Variants in AGBL4 observed in about 807,000 individuals in gnomAD.
AGBL4 encodes the protein AGBL carboxypeptidase 4, also known as cytosolic carboxypeptidase 6.
AGBL4 carries 58 observed loss-of-function variants against 66.4 expected under a neutral mutation model. The ratio of observed to expected loss-of-function variants is 0.87; its 90% CI spans 0.71 to 1.09. AGBL4 has a LOEUF of 1.09. AGBL4 is among the 50% of genes least tolerant of loss of function. AGBL4 has a pLI of 0.00. For missense variants in AGBL4, 579 were observed against 631.0 expected, an observed-to-expected ratio of 0.92 and a Z score of 0.88; for synonymous variants, 234 against 222.9, an observed-to-expected ratio of 1.05 and a Z score of -0.44.
intron 6 of AGBL4, among the ~76,000 whole-genome samples, chr1:48,828,032 A>C (rs1027033353): frequency 6.6e-6 from 1 of 150,966 alleles, no homozygotes; most frequent in African/African-American, 2.4e-5. Context: ...ACACACACAC[A>C]CACACACACA....
intron 3 of AGBL4, among the ~76,000 whole-genome samples, chr1:49,529,198 T>C (rs1166741046): frequency 2.6e-5 from 4 of 152,032 alleles, no homozygotes; most frequent in Admixed American, 6.6e-5. Flanking sequence ...AATAAGACCG[T>C]GGTGATAAAT....
intron 1 of AGBL4, among the ~76,000 whole-genome samples, chr1:49,953,886 A>G (rs996864342): frequency 6.6e-6 from 1 of 151,624 alleles, no homozygotes; most frequent in Non-Finnish European, 1.5e-5. Context: ...GAAAATATGT[A>G]TTTATTTATT....
intron 2 of AGBL4, among the ~76,000 whole-genome samples, chr1:49,737,252 T>C (rs1023802880): frequency 1.3e-5 from 2 of 152,166 alleles, no homozygotes; most frequent in African/African-American, 4.8e-5. Context: ...GTTGCTGCAC[T>C]ATTCAAATAG....
intron 3 of AGBL4, among the ~76,000 whole-genome samples, chr1:49,288,352 T>G (rs1360216178): frequency 6.7e-6 from 1 of 149,948 alleles, no homozygotes; most frequent in East Asian, 2.0e-4. Flanking sequence ...TACCCTAAAA[T>G]TTAAAGTATA....
At chr1:49,613,598 A>AGG (rs1476785926) in intron 3 of AGBL4, among the ~76,000 whole-genome samples, 8 of 152,202 alleles carry the variant, frequency 5.3e-5, no homozygotes, top group African/African-American at 1.9e-4. Flanking sequence ...CTGCATGTGC[A>AGG]GGGGATCTAG....
chr1:49,861,416 T>C (rs1037320522), intron 1 of AGBL4, among the ~76,000 whole-genome samples: 3 of 151,928 alleles, frequency 2.0e-5, no homozygotes, highest in Admixed American at 1.3e-4. Flanking sequence ...GAGGACTTTG[T>C]CGTACATCTT....
intron 2 of AGBL4, among the ~76,000 whole-genome samples, chr1:49,752,453 T>C (rs1243547475): frequency 2.0e-5 from 3 of 151,702 alleles, no homozygotes; most frequent in African/African-American, 2.4e-5. Context: ...TTTCTTATGA[T>C]TTCTTTTGCA....
chr1:49,718,884 T>C (rs1402630694), intron 2 of AGBL4, among the ~76,000 whole-genome samples: 1 of 152,156 alleles, frequency 6.6e-6, no homozygotes, highest in Non-Finnish European at 1.5e-5. Context: ...TTTCTTTCTC[T>C]ATTCTAAAAG....
intron 4 of AGBL4, among the ~76,000 whole-genome samples, chr1:49,059,894 C>G (rs1557605520): frequency 6.6e-6 from 1 of 152,140 alleles, no homozygotes; most frequent in Non-Finnish European, 1.5e-5. Flanking sequence ...GTCTGTACCC[C>G]CAGTGTATCT....
intron 5 of AGBL4, among the ~76,000 whole-genome samples, chr1:48,940,233 T>G (rs975472581): frequency 1.3e-5 from 2 of 151,960 alleles, no homozygotes; most frequent in African/African-American, 4.8e-5. Context: ...CAAAAATTAG[T>G]GGGGCGTGGT....
intron 1 of AGBL4, among the ~76,000 whole-genome samples, chr1:49,899,145 TACAAAGGA>T (rs1334083586): frequency 6.6e-6 from 1 of 152,148 alleles, no homozygotes; most frequent in Non-Finnish European, 1.5e-5. Context: ...TTGTTTGTAA[TACAAAGGA>T]TAAATGCTTG....
chr1:49,712,004 G>A (rs1647707008), intron 2 of AGBL4, among the ~76,000 whole-genome samples: 1 of 151,914 alleles, frequency 6.6e-6, no homozygotes, highest in African/African-American at 2.4e-5. Context: ...TGGGATGATA[G>A]TACTTTTTTC....
chr1:49,146,099 G>A (rs1646212834), intron 4 of AGBL4, among the ~76,000 whole-genome samples: 1 of 152,168 alleles, frequency 6.6e-6, no homozygotes. Context: ...AAGATGGGAA[G>A]AGTAGTGGGG....
At position 49,762,122 on chromosome 1, in the gene AGBL4, T is replaced by G. The variant is rs796264065; in HGVS notation, c.158-64685A>C. On this transcript the variant is annotated intron_variant, in intron 2 of 13. Coordinates refer to ENST00000371839, the MANE Select transcript of AGBL4 (RefSeq NM_032785.4). ...AGTGGGATTCCTGGGTCATATGGCA[T>G]TTCTATTTTTAATTTTTTGAGAAAT... is the stretch of plus-strand genomic sequence containing the variant. Among the ~76,000 whole-genome samples, 47 of 152,274 alleles carry G rather than the reference T, an allele frequency of 3.1e-4. 1 individual carries two copies. Among genetic ancestry groups the G allele is most frequent in the African/African-American group, 1.1e-3 (45 of 41,552 alleles).
At chr1:49,847,348 A>G (rs1646175516) in intron 2 of AGBL4, among the ~76,000 whole-genome samples, 1 of 152,214 alleles carries the variant, frequency 6.6e-6, no homozygotes, top group African/African-American at 2.4e-5. Flanking sequence ...ACATTGGTCT[A>G]GGCAAATAAT....
At chr1:49,667,417 A>G (rs1646392435) in intron 3 of AGBL4, among the ~76,000 whole-genome samples, 1 of 152,132 alleles carries the variant, frequency 6.6e-6, no homozygotes, top group East Asian at 1.9e-4. Context: ...GTGATTGCAC[A>G]CCTGCACTCT....
rs1652455142 is a variant in AGBL4 at position 49,255,941 on chromosome 1, A to C, written c.283-10077T>G. 2.6e-5 allele frequency among the ~76,000 whole-genome samples: 4 copies of C among 152,206 alleles called. No homozygotes were observed. In the South Asian group the frequency reaches 8.3e-4, roughly 31 times the overall value. On this transcript the variant is annotated intron_variant, in intron 3 of 13. Coordinates refer to ENST00000371839, the MANE Select transcript of AGBL4 (RefSeq NM_032785.4). ...AACCAAATATTGCATGTTCTCACTT[A>C]TAAGTGGGAGCTAAATGATAACACA... is the stretch of plus-strand genomic sequence containing the variant.
intron 6 of AGBL4, among the ~76,000 whole-genome samples, chr1:48,832,336 G>C (rs1238371587): frequency 6.6e-6 from 1 of 152,166 alleles, no homozygotes; most frequent in Non-Finnish European, 1.5e-5. Flanking sequence ...GCGAGTTGAT[G>C]GACCTGCCGT....
At chr1:49,095,685 A>C (rs1291292996) in intron 4 of AGBL4, among the ~76,000 whole-genome samples, 1 of 151,910 alleles carries the variant, frequency 6.6e-6, no homozygotes, top group Admixed American at 6.6e-5. Context: ...TACAAAAATC[A>C]ATTCAAGATG....
Sources: allele counts gnomAD v4.1 joint callset (sites outside exome capture counted in the v4.1 genomes callset), GRCh38; gene constraint gnomAD v4.1.1; transcripts MANE v1.5; gene names NCBI Gene and HGNC (gene_info 2026-07-23, HGNC 2026-07-21).